RALYL: variants seen among roughly 807,000 people sequenced by gnomAD.
RALYL encodes RNA-binding Raly-like protein.
In RALYL, 29 loss-of-function variants were observed where a neutral mutation model predicts 35.1. The ratio of observed to expected loss-of-function variants is 0.83; its 90% confidence interval spans 0.61 to 1.13. RALYL has a LOEUF of 1.13. Ranked by LOEUF, RALYL falls within the 50% of genes most tolerant of loss-of-function variation. The pLI is 0.00. For synonymous variants in RALYL, 120 were observed against 127.6 expected (o/e 0.94, Z 0.40); for missense variants, 359 against 360.4 (o/e 1.00, Z 0.03).
intron 4 of RALYL, among the ~76,000 whole-genome samples, chr8:84,809,349 G>GTTATC: frequency 6.6e-6 from 1 of 152,102 alleles, no homozygotes; most frequent in East Asian, 1.9e-4. Flanking sequence ...ATCATGGTGG[G>GTTATC]TTATCTTTTT....
At chr8:84,192,911 G>T (rs926895942) in intron 1 of RALYL, among the ~76,000 whole-genome samples, 12 of 146,292 alleles carry the variant, frequency 8.2e-5, no homozygotes, top group Non-Finnish European at 1.5e-4. Flanking sequence ...GTGTGTGGGG[G>T]GGGGGGTTGT....
intron 4 of RALYL, among the ~76,000 whole-genome samples, chr8:84,818,118 T>C (rs1020247801): frequency 1.3e-5 from 2 of 151,898 alleles, no homozygotes; most frequent in Non-Finnish European, 2.9e-5. Context: ...CTAGGGAAGA[T>C]CACTGAGGAA....
At chr8:84,680,483 T>C (rs1328877262) in intron 2 of RALYL, among the ~76,000 whole-genome samples, 2 of 152,214 alleles carry the variant, frequency 1.3e-5, no homozygotes, top group Non-Finnish European at 2.9e-5. Context: ...AAAGTGTTCC[T>C]ATTTCTCCAC....
intron 1 of RALYL, among the ~76,000 whole-genome samples, chr8:84,525,222 A>C (rs1435041092): frequency 2.6e-5 from 4 of 151,950 alleles, no homozygotes; most frequent in African/African-American, 9.7e-5. Context: ...ATTTTACAGG[A>C]GTTTTCATAG....
intron 4 of RALYL, among the ~76,000 whole-genome samples, chr8:84,832,334 C>T (rs1324342012): frequency 6.6e-6 from 1 of 151,960 alleles, no homozygotes; most frequent in East Asian, 1.9e-4. Flanking sequence ...TACTAATGAC[C>T]TCTTTCTGGT....
chr8:84,311,194 C>T lies in RALYL; in HGVS notation c.-24+126770C>T, dbSNP rs537912575. 4.3e-4 allele frequency among the ~76,000 whole-genome samples: 62 copies of T among 144,284 alleles called. 1 individual carries two copies. Among genetic ancestry groups the T allele is most frequent in the African/African-American group, 1.6e-3 (61 of 39,038 alleles). 94.7% of individuals were successfully genotyped at this position (144,284 alleles called of 152,430 possible). ...TATCAACTCCTAAACTAAAATTATGCTTAATGTAAAAAACCTTTAAAAAGT... is the reference window on the plus strand; with the variant it reads ...TATCAACTCCTAAACTAAAATTATGTTTAATGTAAAAAACCTTTAAAAAGT... On this transcript the variant is annotated intron_variant, in intron 1 of 8. Coordinates refer to ENST00000521268, the MANE Select transcript of RALYL (RefSeq NM_173848.7).
intron 1 of RALYL, among the ~76,000 whole-genome samples, chr8:84,479,790 T>C (rs2053858146): frequency 6.6e-6 from 1 of 152,194 alleles, no homozygotes; most frequent in Non-Finnish European, 1.5e-5. Flanking sequence ...TTAATAAAAA[T>C]CCTGCTGTTT....
chr8:84,497,301 A>G (rs2056139700), intron 1 of RALYL, among the ~76,000 whole-genome samples: 1 of 152,206 alleles, frequency 6.6e-6, no homozygotes, highest in Non-Finnish European at 1.5e-5. Context: ...ACTCAGGTCC[A>G]TAAAACTGGA....
At chr8:84,546,930 A>G (rs1019914764) in intron 2 of RALYL, among the ~76,000 whole-genome samples, 9 of 151,770 alleles carry the variant, frequency 5.9e-5, no homozygotes, top group African/African-American at 2.2e-4. Flanking sequence ...ATAATAAGCT[A>G]TTAGATTTAC....
At chr8:84,585,405 T>C (rs1811771210) in intron 2 of RALYL, among the ~76,000 whole-genome samples, 1 of 152,192 alleles carries the variant, frequency 6.6e-6, no homozygotes, top group Non-Finnish European at 1.5e-5. Context: ...TAATATTTAT[T>C]ACTGATTCAT....
chr8:84,591,127 A>G (rs1261042655), intron 2 of RALYL, among the ~76,000 whole-genome samples: 1 of 152,142 alleles, frequency 6.6e-6, no homozygotes, highest in Non-Finnish European at 1.5e-5. Flanking sequence ...AATAGCATAT[A>G]AGAGAAATAT....
At chr8:84,691,595 T>C (rs1838064495) in intron 2 of RALYL, among the ~76,000 whole-genome samples, 1 of 152,006 alleles carries the variant, frequency 6.6e-6, no homozygotes, top group Non-Finnish European at 1.5e-5. Flanking sequence ...GAGCACCTTC[T>C]AAACCAAACA....
At chr8:84,757,234 T>C (rs957816) in intron 2 of RALYL, among the ~76,000 whole-genome samples, 40,958 of 152,048 alleles carry the variant, frequency 0.27, 5,917 homozygotes, top group African/African-American at 0.35. Context: ...AAACATCATA[T>C]GCAGCAGAAG....
In RALYL at chr8:84,393,815, C is replaced by A. The variant is rs370660377; in HGVS notation, c.-23-135484C>A. 1.1e-4 allele frequency among the ~76,000 whole-genome samples: 16 copies of A among 152,158 alleles called. No homozygotes were observed. In the South Asian group the frequency reaches 3.3e-3, roughly 32 times the overall value. On this transcript the variant is annotated intron_variant, in intron 1 of 8. Transcript: ENST00000521268. ...GTTTCTCACCATAAAATGGTGTATA[C>A]CTCATAAAGTGTGAAAATTAAACAC...
intron 3 of RALYL, among the ~76,000 whole-genome samples, chr8:84,787,252 A>G (rs1003408804): frequency 7.9e-5 from 12 of 151,518 alleles, no homozygotes; most frequent in African/African-American, 2.9e-4. Context: ...GAGTGAGAAC[A>G]TGCGGTGTTT....
intron 1 of RALYL, among the ~76,000 whole-genome samples, chr8:84,479,903 C>T (rs115676489): frequency 0.011 from 1,659 of 152,138 alleles, 26 homozygotes; most frequent in African/African-American, 0.037. Context: ...ATGTAATGTC[C>T]AGCAGTAAGT....
At chr8:84,392,859 G>C (rs553944063) in intron 1 of RALYL, among the ~76,000 whole-genome samples, 1 of 152,136 alleles carries the variant, frequency 6.6e-6, no homozygotes, top group East Asian at 1.9e-4. Flanking sequence ...AGATAGTACT[G>C]TGGTAGACAA....
At chr8:84,495,501 G>A (rs1025640127) in intron 1 of RALYL, among the ~76,000 whole-genome samples, 1 of 151,866 alleles carries the variant, frequency 6.6e-6, no homozygotes, top group Admixed American at 6.6e-5. Flanking sequence ...TAACAAAAAT[G>A]GATATTTAAA....
At chr8:84,638,868 A>G (rs1270770970) in intron 2 of RALYL, among the ~76,000 whole-genome samples, 5 of 76,296 alleles carry the variant, frequency 6.6e-5, no homozygotes, top group South Asian at 3.3e-4. Context: ...TAATGCACGC[A>G]TAAATATATA....
Sources: allele counts gnomAD v4.1 joint callset (sites outside exome capture counted in the v4.1 genomes callset), GRCh38; gene constraint gnomAD v4.1.1; transcripts MANE v1.5; gene names NCBI Gene and HGNC (gene_info 2026-07-23, HGNC 2026-07-21).